MECOM: variants seen among roughly 807,000 people sequenced by gnomAD.
MECOM encodes the protein histone-lysine N-methyltransferase MECOM.
MECOM carries 13 observed loss-of-function variants against 116.3 expected under a neutral mutation model. The ratio of observed to expected loss-of-function variants is 0.11; its 90% CI spans 0.07 to 0.18. MECOM has a LOEUF of 0.18. Among genes scored for constraint, MECOM ranks in the 10% least tolerant of loss-of-function variants. The probability of loss-of-function intolerance (pLI) is 1.00; values close to 1 mark genes in which losing one functional copy is unlikely to be tolerated. For synonymous variants in MECOM, 528 were observed against 535.2 expected (o/e 0.99, Z 0.19); for missense variants, 1,299 against 1,509.0 (o/e 0.86, Z 2.31).
intron 1 of MECOM, among the ~76,000 whole-genome samples, chr3:169,574,775 A>G (rs1361561185): frequency 6.6e-6 from 1 of 152,042 alleles, no homozygotes; most frequent in Non-Finnish European, 1.5e-5. Context: ...ACCTTGAAAG[A>G]CTTAGCAGCC....
chr3:169,311,095 A>G (rs1718680040), intron 2 of MECOM, among the ~76,000 whole-genome samples: 1 of 152,344 alleles, frequency 6.6e-6, no homozygotes, highest in Non-Finnish European at 1.5e-5. Flanking sequence ...GTTCTTCACA[A>G]TGACTCTTAA....
chr3:169,545,095 G>A (rs1861839), intron 1 of MECOM, among the ~76,000 whole-genome samples: 25,218 of 152,100 alleles, frequency 0.17, 2,436 homozygotes, highest in East Asian at 0.37. Context: ...CCCAGGTTAA[G>A]GTAAGATGTA....
At chr3:169,479,515 T>G (rs1339333052) in intron 1 of MECOM, among the ~76,000 whole-genome samples, 1 of 152,038 alleles carries the variant, frequency 6.6e-6, no homozygotes, top group Non-Finnish European at 1.5e-5. Context: ...AAGGCTCTTC[T>G]AAAGATTACG....
At chr3:169,301,435 T>C (rs1208426049) in intron 2 of MECOM, among the ~76,000 whole-genome samples, 1 of 152,174 alleles carries the variant, frequency 6.6e-6, no homozygotes, top group Non-Finnish European at 1.5e-5. Context: ...AAATAAGCAC[T>C]AGCAGTGTTG....
In MECOM at chr3:169,084,521, G is replaced by C. The variant is rs1576800510; in HGVS notation, c.*388C>G. On this transcript the variant is annotated 3_prime_UTR_variant, in exon 17 of 17. Coordinates refer to ENST00000651503, the MANE Select transcript of MECOM (RefSeq NM_004991.4). ...TCATGTCAGGTGATCTTGTACAAAAGAGAATTCAGTTTCTATGGAGTGTTC... is the reference window on the plus strand; with the variant it reads ...TCATGTCAGGTGATCTTGTACAAAACAGAATTCAGTTTCTATGGAGTGTTC... 4.1e-6 allele frequency: 1 copy of C among 243,016 alleles called. No homozygotes were observed. Among genetic ancestry groups the C allele is most frequent in the East Asian group, 5.9e-5 (1 of 16,886 alleles). The allele number at this position is 243,016 out of a possible 1,614,324, so 15.1% of individuals were successfully genotyped here.
At chr3:169,239,486 T>G (rs1189128963) in intron 2 of MECOM, among the ~76,000 whole-genome samples, 3 of 151,922 alleles carry the variant, frequency 2.0e-5, no homozygotes, top group Admixed American at 2.0e-4. Context: ...AGAAATGGCT[T>G]GAAAAGTTCA....
intron 3 of MECOM, among the ~76,000 whole-genome samples, chr3:169,137,912 G>A (rs968619162): frequency 6.6e-6 from 1 of 151,996 alleles, no homozygotes; most frequent in Non-Finnish European, 1.5e-5. Context: ...ACCTCTGAGG[G>A]TCTATCTACA....
At chr3:169,590,876 C>T (rs1766322214) in intron 1 of MECOM, among the ~76,000 whole-genome samples, 1 of 152,194 alleles carries the variant, frequency 6.6e-6, no homozygotes, top group Non-Finnish European at 1.5e-5. Flanking sequence ...GTACTAAAGA[C>T]AGCAAAATAG....
At chr3:169,558,356 T>C (rs946597763) in intron 1 of MECOM, among the ~76,000 whole-genome samples, 1 of 152,232 alleles carries the variant, frequency 6.6e-6, no homozygotes, top group Non-Finnish European at 1.5e-5. Flanking sequence ...AAATCTATTA[T>C]AATTCACCTC....
intron 2 of MECOM, among the ~76,000 whole-genome samples, chr3:169,367,132 G>A (rs980312525): frequency 9.2e-5 from 14 of 152,124 alleles, no homozygotes; most frequent in Middle Eastern, 3.4e-3. Context: ...GTCTCTGTAT[G>A]ACTGAAAAAA....
chr3:169,497,253 C>T (rs1436474130), intron 1 of MECOM, among the ~76,000 whole-genome samples: 1 of 152,158 alleles, frequency 6.6e-6, no homozygotes, highest in African/African-American at 2.4e-5. Flanking sequence ...ATTGCCACAA[C>T]CTACTTCAGG....
chr3:169,307,332 T>C (rs78205840), intron 2 of MECOM, among the ~76,000 whole-genome samples: 1,680 of 152,292 alleles, frequency 0.011, 27 homozygotes, highest in East Asian at 0.072. Context: ...AACAGAATCA[T>C]TGTAATCCCA....
chr3:169,169,062 A>C (rs1205008675), intron 2 of MECOM, among the ~76,000 whole-genome samples: 1 of 152,154 alleles, frequency 6.6e-6, no homozygotes, highest in Admixed American at 6.5e-5. Flanking sequence ...TCCACTTTTT[A>C]AAAAGTTATA....
At chr3:169,113,402 T>G (rs1267479557) in intron 8 of MECOM, among the ~76,000 whole-genome samples, 1 of 150,412 alleles carries the variant, frequency 6.6e-6, no homozygotes. Context: ...TTTAAACATA[T>G]AGCATAATAT....
chr3:169,288,920 A>C (rs1713920525), intron 2 of MECOM, among the ~76,000 whole-genome samples: 2 of 152,244 alleles, frequency 1.3e-5, no homozygotes, highest in South Asian at 2.1e-4. Context: ...ACTTCAACAC[A>C]GTCCACTAAC....
rs1390538177 is a variant in MECOM, at chr3:169,088,988, G to C, written c.3585+12C>G. 6.4e-7 allele frequency: 1 copy of C among 1,564,342 alleles called. No homozygotes were observed. Among genetic ancestry groups the C allele is most frequent in the Admixed American group, 2.0e-5 (1 of 51,230 alleles). ...ATGTAACCATGATGCTGTACTATGG[G>C]AAAATCTGTACCTGCGATTTGGACT... is the stretch of plus-strand genomic sequence containing the variant. On this transcript the variant is annotated intron_variant, in intron 16 of 16. Transcript: ENST00000651503.
chr3:169,335,824 T>C (rs1306524935), intron 2 of MECOM, among the ~76,000 whole-genome samples: 1 of 152,174 alleles, frequency 6.6e-6, no homozygotes, highest in Non-Finnish European at 1.5e-5. Flanking sequence ...TATGATTGCA[T>C]TTAATATATG....
intron 1 of MECOM, among the ~76,000 whole-genome samples, chr3:169,646,972 A>T (rs909080457): frequency 7.2e-5 from 11 of 152,264 alleles, no homozygotes; most frequent in African/African-American, 2.4e-4. Flanking sequence ...TGTCATAAAA[A>T]GAAGCTTTCT....
chr3:169,248,006 T>G (rs1755806356), intron 2 of MECOM, among the ~76,000 whole-genome samples: 1 of 152,222 alleles, frequency 6.6e-6, no homozygotes, highest in Admixed American at 6.5e-5. Flanking sequence ...AAATGAGAAT[T>G]ATCATAATAC....
Sources: allele counts gnomAD v4.1 joint callset (sites outside exome capture counted in the v4.1 genomes callset), GRCh38; gene constraint gnomAD v4.1.1; transcripts MANE v1.5; gene names NCBI Gene and HGNC (gene_info 2026-07-23, HGNC 2026-07-21).